Variants in KIF1B observed in about 807,000 individuals in gnomAD.
KIF1B encodes the protein kinesin-like protein KIF1B.
A neutral mutation model predicts 241.9 loss-of-function variants in KIF1B; 76 were observed. That is an observed-to-expected ratio of 0.31 (90% CI 0.26 to 0.38). KIF1B has a LOEUF of 0.38. Ranked by LOEUF, KIF1B falls within the 10% of genes least tolerant of loss-of-function variation. The pLI is 1.00. For synonymous variants in KIF1B, 750 were observed against 796.7 expected (o/e 0.94, Z 0.99); for missense variants, 1,622 against 2,271.4 (o/e 0.71, Z 5.81).
chr1:10,369,607 T>G (rs960944555), intron 44 of KIF1B, among the ~76,000 whole-genome samples: 1 of 152,276 alleles, frequency 6.6e-6, no homozygotes, highest in South Asian at 2.1e-4. Flanking sequence ...CACCCCAGCC[T>G]GTGTGACAGT....
intron 22 of KIF1B, among the ~76,000 whole-genome samples, chr1:10,318,279 A>G (rs1245050005): frequency 1.3e-5 from 2 of 151,432 alleles, no homozygotes; most frequent in Non-Finnish European, 2.9e-5. Flanking sequence ...TCCTTTTGTA[A>G]TGGAGTTTGC....
chr1:10,365,757 A>AT lies in KIF1B; in HGVS notation c.4752+110dup. The AT allele has an allele frequency of 6.9e-7, 1 of 1,447,468 alleles. No homozygotes were observed. Among genetic ancestry groups the AT allele is most frequent in the Non-Finnish European group, 9.6e-7 (1 of 1,043,554 alleles). 89.7% of individuals were successfully genotyped at this position (1,447,468 alleles called of 1,614,324 possible). Reference sequence around the variant, plus strand: ...TGTTCGAGGTGTTTGAAGGCCTGTGATAATACTGTGAATGTAGAAATAAAA... The same window carrying AT: ...TGTTCGAGGTGTTTGAAGGCCTGTGATTAATACTGTGAATGTAGAAATAAAA... On this transcript the variant is annotated intron_variant, in intron 43 of 48. Transcript: ENST00000676179. This position sits in a 1 kb window ranked among gnomAD's most constrained non-coding sequence, Gnocchi z 4.0.
At chr1:10,308,536 T>C in intron 22 of KIF1B, 1 of 1,024,740 alleles carries the variant, frequency 9.8e-7, no homozygotes, top group African/African-American at 1.7e-5. Context: ...AGAAAGGGAG[T>C]GTTAGTTTGT....
intron 2 of KIF1B, among the ~76,000 whole-genome samples, chr1:10,253,024 CAA>C: frequency 1.3e-5 from 2 of 152,092 alleles, no homozygotes; most frequent in Non-Finnish European, 2.9e-5. Context: ...TGTGCCTGGC[CAA>C]TAAAGAGAAT....
In KIF1B at chr1:10,373,094, C is replaced by T. The variant is rs183947230; in HGVS notation, c.4947-1222C>T. Reference sequence around the variant, plus strand: ...CCTCCCAAAGTGCTGGGATTACAGGCGTGAGCCACTGCACCCGGCCACACC... The same window carrying T: ...CCTCCCAAAGTGCTGGGATTACAGGTGTGAGCCACTGCACCCGGCCACACC... On this transcript the variant is annotated intron_variant, in intron 45 of 48. Transcript: ENST00000676179. Among the ~76,000 whole-genome samples, 259 of 151,066 alleles carry T rather than the reference C, an allele frequency of 1.7e-3. 3 individuals carry two copies. The highest frequency in any genetic ancestry group is 5.8e-3 in the African/African-American group (238 of 41,174).
At position 10,312,489 on chromosome 1, in the gene KIF1B, A is replaced by G. The variant is rs375701083; in HGVS notation, c.2116-7554A>G. On this transcript the variant is annotated intron_variant, in intron 22 of 48. Transcript: ENST00000676179. ...ACCATCCAGCAGTTTCCATTAGAAT[A>G]ATATCCCCAGACCTTACCATGGTCT... is the stretch of plus-strand genomic sequence containing the variant. Among the ~76,000 whole-genome samples the G allele has an allele frequency of 1.5e-4, 22 of 151,444 alleles. No homozygotes were observed. In the East Asian group the frequency reaches 2.1e-3, roughly 15 times the overall value.
intron 2 of KIF1B, among the ~76,000 whole-genome samples, chr1:10,244,319 T>C (rs528178914): frequency 4.7e-5 from 7 of 148,730 alleles, no homozygotes; most frequent in East Asian, 1.9e-4. Context: ...TCTTTTCTTT[T>C]TTTTTTTTTT....
intron 22 of KIF1B, chr1:10,305,492 G>A: frequency 1.9e-6 from 2 of 1,059,934 alleles, no homozygotes; most frequent in Non-Finnish European, 2.3e-6. Flanking sequence ...TTGTAAGGAG[G>A]TTATTTGGCT....
At chr1:10,290,766 A>G (rs1649956495) in intron 15 of KIF1B, among the ~76,000 whole-genome samples, 1 of 149,940 alleles carries the variant, frequency 6.7e-6, no homozygotes, top group Non-Finnish European at 1.5e-5. Context: ...GCTGCTCGGG[A>G]GGCTGAGGCA....
intron 1 of KIF1B, among the ~76,000 whole-genome samples, chr1:10,222,796 C>T (rs1027287456): frequency 6.6e-5 from 10 of 152,108 alleles, no homozygotes; most frequent in Admixed American, 3.9e-4. Flanking sequence ...AATTGTATGT[C>T]GCAAGGAAAA....
intron 37 of KIF1B, among the ~76,000 whole-genome samples, chr1:10,349,766 C>T (rs1652722288): frequency 1.3e-5 from 2 of 152,158 alleles, no homozygotes; most frequent in South Asian, 4.1e-4. Context: ...TTTAGAATGA[C>T]AGTCCGAGGC....
intron 25 of KIF1B, 54 bp downstream of exon 25, chr1:10,324,116 T>C: frequency 7.4e-7 from 1 of 1,355,074 alleles, no homozygotes; most frequent in African/African-American, 1.4e-5. Flanking sequence ...AACAATGACC[T>C]GCTCAAGTGA....
intron 1 of KIF1B, among the ~76,000 whole-genome samples, chr1:10,219,213 G>A (rs1646808037): frequency 6.6e-6 from 1 of 152,166 alleles, no homozygotes; most frequent in South Asian, 2.1e-4. Flanking sequence ...TGTAATCCCA[G>A]CACTTTGGGA....
At position 10,303,018 on chromosome 1, in the gene KIF1B, T is replaced by G; in HGVS notation, c.2115+5772T>G. On this transcript the variant is annotated intron_variant, in intron 22 of 48. Transcript: ENST00000676179. The surrounding 1 kb of genome is among the most constrained non-coding windows in gnomAD (Gnocchi z 5.2). ...CACATTATTGAGGGGTTTTTTTTGG[T>G]TTTGTTTTGTTTTTTAGTTTTTTTG... 4.3e-6 allele frequency: 4 copies of G among 920,920 alleles called. No homozygotes were observed. Among genetic ancestry groups the G allele is most frequent in the Non-Finnish European group, 6.5e-6 (4 of 619,050 alleles). 57.0% of individuals were successfully genotyped at this position (920,920 alleles called of 1,614,324 possible). A position where few individuals can be genotyped will look rare whatever the true frequency, so the allele number is the denominator to read the frequency against.
intron 17 of KIF1B, among the ~76,000 whole-genome samples, chr1:10,292,862 A>T (rs1387155740): frequency 1.3e-5 from 2 of 152,188 alleles, no homozygotes; most frequent in Non-Finnish European, 2.9e-5. Context: ...TCGATGTACA[A>T]AGCATGTATT....
chr1:10,247,519 G>A (rs938525780), intron 2 of KIF1B, among the ~76,000 whole-genome samples: 3 of 152,122 alleles, frequency 2.0e-5, no homozygotes, highest in African/African-American at 7.2e-5. Context: ...TTTTCACTAG[G>A]TATCTATAGG....
At chr1:10,273,054 T>G (rs1228181195) in intron 10 of KIF1B, 23 bp downstream of exon 10, 3 of 1,527,650 alleles carry the variant, frequency 2.0e-6, no homozygotes, top group African/African-American at 1.4e-5. Context: ...TTGGTAGAGA[T>G]AAACTAGAAT....
chr1:10,373,923 C>T (rs986457227), intron 45 of KIF1B, among the ~76,000 whole-genome samples: 1 of 152,194 alleles, frequency 6.6e-6, no homozygotes, highest in African/African-American at 2.4e-5. Flanking sequence ...TGAACAGTTT[C>T]CCAGGTGAAG....
chr1:10,360,691 A>T (rs1638396927), intron 38 of KIF1B, among the ~76,000 whole-genome samples: 1 of 151,996 alleles, frequency 6.6e-6, no homozygotes, highest in African/African-American at 2.4e-5. Context: ...TCTCAAAAAA[A>T]AAAAAAAAAA....
Sources: gnomAD v4.1 joint callset for allele counts (sites outside exome capture counted in the v4.1 genomes callset) on GRCh38, gnomAD v4.1.1 for gene constraint, Gnocchi (gnomAD v3.1) non-coding constraint, MANE v1.5 for transcripts, NCBI Gene and HGNC (gene_info 2026-07-23, HGNC 2026-07-21) for gene names.